Variants in TDP2 observed in about 807,000 individuals in gnomAD.
The protein encoded by TDP2 is 5'-Tyr-DNA phosphodiesterase.
Under a neutral mutation model 42.8 loss-of-function variants are expected in TDP2, and 38 were observed. The observed-to-expected ratio is 0.89, with a 90% CI of 0.68 to 1.16. The LOEUF (loss-of-function observed/expected upper bound fraction) is 1.16. Ranked by LOEUF, TDP2 falls within the 50% of genes most tolerant of loss-of-function variation. The pLI is 0.00. For synonymous variants in TDP2, 173 were observed against 150.6 expected, an observed-to-expected ratio of 1.15 and a Z score of -1.09; for missense variants, 439 against 439.3, an observed-to-expected ratio of 1.00 and a Z score of 0.01.
At chr6:24,661,872 A>T (rs911884092) in intron 2 of TDP2, among the ~76,000 whole-genome samples, 1 of 152,190 alleles carries the variant, frequency 6.6e-6, no homozygotes, top group Non-Finnish European at 1.5e-5. Context: ...AGAGGAAGAC[A>T]TAAGAAACTC....
chr6:24,664,294 A>G (rs1387123033), intron 2 of TDP2, among the ~76,000 whole-genome samples: 5 of 149,988 alleles, frequency 3.3e-5, no homozygotes, highest in African/African-American at 9.9e-5. Context: ...CGGGCTTTCA[A>G]TGCTGGCTCT....
At chr6:24,659,531 T>G (rs928476919) in intron 2 of TDP2, among the ~76,000 whole-genome samples, 8 of 152,220 alleles carry the variant, frequency 5.3e-5, no homozygotes, top group South Asian at 2.1e-4. Context: ...AAATGTTTGC[T>G]CACTTAGGCA....
rs1359160863 is a variant in TDP2, at chr6:24,666,898, A to C, written c.-36T>G. 7 of 1,609,900 alleles carry C rather than the reference A, an allele frequency of 4.3e-6. No homozygotes were observed. Among genetic ancestry groups the C allele is most frequent in the Non-Finnish European group, 5.9e-6 (7 of 1,179,970 alleles). ...CCTCTGCACCGCCCCTTTAAGCGGA[A>C]CAGGAGGCCAACGCGCGGCTCTGCG... On this transcript the variant is annotated 5_prime_UTR_variant, in exon 1 of 7. Coordinates refer to ENST00000378198, the MANE Select transcript of TDP2 (RefSeq NM_016614.3).
At chr6:24,652,927 A>T in intron 6 of TDP2, 56 bp downstream of exon 6, 1 of 1,585,940 alleles carries the variant, frequency 6.3e-7, no homozygotes, top group Non-Finnish European at 8.6e-7. Context: ...AGGAACCTAA[A>T]TTAGTCTCCA....
Position 24,666,510 on chromosome 6 carries a change from T to C in TDP2, c.251+16A>G. On this transcript the variant is annotated intron_variant, in intron 2 of 6. Coordinates refer to ENST00000378198, the MANE Select transcript of TDP2 (RefSeq NM_016614.3). ...TGCCTCCGTGCGGACTGGCTCCCGC[T>C]CCCCTCATCACTTACTAGGTCTTGG... The C allele has an allele frequency of 6.2e-7, 1 of 1,612,762 alleles. No homozygotes were observed. Among genetic ancestry groups the C allele is most frequent in the Non-Finnish European group, 8.5e-7 (1 of 1,178,858 alleles).
chr6:24,662,776 G>C (rs543684016), intron 2 of TDP2, among the ~76,000 whole-genome samples: 2 of 152,302 alleles, frequency 1.3e-5, no homozygotes, highest in East Asian at 3.9e-4. Flanking sequence ...AGGTGTGGAG[G>C]GGCTGGCCCC....
Position 24,658,642 on chromosome 6 carries a change from G to C in TDP2, c.344C>G (p.Ser115Cys). 1.2e-6 allele frequency: 2 copies of C among 1,614,002 alleles called. No individual in the cohort carries two copies. Among genetic ancestry groups the C allele is most frequent in the Non-Finnish European group, 1.7e-6 (2 of 1,179,870 alleles). ...DTQQENGSMF[S>C]LITWNIDGLD... Reference sequence around the variant, plus strand: ...TCCATCAATATTCCAGGTAATGAGAGAGAACATGCTGCCATTTTCTTGCTG... The same window carrying C: ...TCCATCAATATTCCAGGTAATGAGACAGAACATGCTGCCATTTTCTTGCTG... The change falls in exon 3 of 7, where the codon TCT becomes TGT. Residue 115 changes from serine (S) to cysteine (C), a missense_variant. Transcript: ENST00000378198.
At chr6:24,666,365 G>T in intron 2 of TDP2, 161 bp downstream of exon 2, 2 of 1,439,496 alleles carry the variant, frequency 1.4e-6, no homozygotes, top group South Asian at 2.5e-5. Flanking sequence ...GCGCAACTCC[G>T]CGCAGCAGCA....
chr6:24,653,318 G>A (rs2294688), intron 5 of TDP2, among the ~76,000 whole-genome samples, 165 bp from the exon 6 acceptor site: 1 of 152,218 alleles, frequency 6.6e-6, no homozygotes, highest in East Asian at 1.9e-4. Flanking sequence ...TATTAAAGCA[G>A]TAACCCTGTC....
intron 4 of TDP2, 57 bp from the exon 5 acceptor site, chr6:24,654,587 TACCACAA>T (rs1470382056): frequency 1.1e-6 from 1 of 950,874 alleles, no homozygotes; most frequent in Non-Finnish European, 1.6e-6. Context: ...ATTTTCAGTT[TACCACAA>T]GTTTGCCTAT....
chr6:24,657,937 A>C lies in TDP2; in HGVS notation c.426-34T>G, dbSNP rs1342352504. ...AAACATCAATTTATGACAAATACCA[A>C]GTATACCATTTCATTTTCAGCTACC... On this transcript the variant is annotated intron_variant, in intron 3 of 6. Transcript: ENST00000378198. 3 of 1,381,934 alleles carry C rather than the reference A, an allele frequency of 2.2e-6. No individual in the cohort carries two copies. The East Asian group carries it at 7.3e-5, about 34-fold the overall frequency. 85.6% of individuals were successfully genotyped at this position (1,381,934 alleles called of 1,614,324 possible).
At chr6:24,665,314 G>C (rs1212219627) in intron 2 of TDP2, among the ~76,000 whole-genome samples, 1 of 152,180 alleles carries the variant, frequency 6.6e-6, no homozygotes, top group Non-Finnish European at 1.5e-5. Flanking sequence ...TGAAACCAAG[G>C]AGAGGATCTG....
At chr6:24,665,728 G>A (rs1425287056) in intron 2 of TDP2, among the ~76,000 whole-genome samples, 4 of 152,098 alleles carry the variant, frequency 2.6e-5, no homozygotes, top group South Asian at 2.1e-4. Flanking sequence ...ACGGACTAAG[G>A]TATTGTAACA....
In TDP2 at chr6:24,666,747, TCGCAGCTTGCGACCGAGGCAAACTCCACA is replaced by T; in HGVS notation, c.87_115del (p.Cys29Ter). ...CAGGAAGCACTGAGCCACTGCGGCA[TCGCAGCTTGCGACCGAGGCAAACTCCACA>T]CACAGAAGTCGCCGCTTTTTCACCT... On this transcript the variant is annotated stop_gained and frameshift_variant, in exon 1 of 7. Coordinates refer to ENST00000378198, the MANE Select transcript of TDP2 (RefSeq NM_016614.3). LOFTEE classifies it high-confidence loss of function. The T allele has an allele frequency of 6.2e-7, 1 of 1,614,254 alleles. No homozygotes were observed. The highest frequency in any genetic ancestry group is 8.5e-7 in the Non-Finnish European group (1 of 1,180,042).
chr6:24,654,341 A>G, intron 5 of TDP2, 71 bp downstream of exon 5: 3 of 808,468 alleles, frequency 3.7e-6, no homozygotes, highest in Non-Finnish European at 5.7e-6. Flanking sequence ...ATGGTTTTAA[A>G]AAGAATAATA....
At position 24,650,777 on chromosome 6, in the gene TDP2, T is replaced by C. The variant is rs374732253; in HGVS notation, c.*11A>G. On this transcript the variant is annotated 3_prime_UTR_variant, in exon 7 of 7. Transcript: ENST00000378198. Reference sequence around the variant, plus strand: ...CAACAATCAGGGCAAAACCCACACTTGAAAAGCATTTTACAATATTATATC... The same window carrying C: ...CAACAATCAGGGCAAAACCCACACTCGAAAAGCATTTTACAATATTATATC... 5.7e-5 allele frequency: 91 copies of C among 1,610,380 alleles called. No individual in the cohort carries two copies. The highest frequency in any genetic ancestry group is 7.5e-5 in the Non-Finnish European group (88 of 1,177,658).
chr6:24,652,730 TATATATATACACACACAC>T (rs1398163156), intron 6 of TDP2, among the ~76,000 whole-genome samples: 2 of 151,988 alleles, frequency 1.3e-5, no homozygotes, highest in Non-Finnish European at 2.9e-5. Flanking sequence ...ATCCTATATA[TATATATATACACACACAC>T]ATATAGTTTA....
At chr6:24,651,824 TG>T (rs1279057674) in intron 6 of TDP2, among the ~76,000 whole-genome samples, 4 of 152,204 alleles carry the variant, frequency 2.6e-5, no homozygotes, top group African/African-American at 9.6e-5. Flanking sequence ...TGGCCTCAAG[TG>T]ATCTGCCCAC....
intron 2 of TDP2, chr6:24,666,077 G>C (rs1415653819): frequency 6.5e-7 from 1 of 1,533,116 alleles, no homozygotes; most frequent in South Asian, 1.2e-5. Flanking sequence ...TGAAATAACA[G>C]GAGTAGGTGT....
Sources: gnomAD v4.1 joint callset for allele counts (sites outside exome capture counted in the v4.1 genomes callset) on GRCh38, gnomAD v4.1.1 for gene constraint, MANE v1.5 for transcripts, NCBI Gene and HGNC (gene_info 2026-07-23, HGNC 2026-07-21) for gene names.